Variants in FBLIM1 observed in about 807,000 individuals in gnomAD.
FBLIM1 encodes the protein filamin-binding LIM protein 1.
In FBLIM1, 29 loss-of-function variants were observed where a neutral mutation model predicts 37.4. That is an observed-to-expected ratio of 0.77 (90% CI 0.58 to 1.06). The LOEUF is 1.06. FBLIM1 is among the 50% of genes least tolerant of loss of function. The pLI is 0.00. For synonymous variants in FBLIM1, 193 were observed against 199.0 expected, an observed-to-expected ratio of 0.97 and a Z score of 0.25; for missense variants, 449 against 505.6, an observed-to-expected ratio of 0.89 and a Z score of 1.07.
intron 4 of FBLIM1, among the ~76,000 whole-genome samples, chr1:15,767,989 T>C (rs879760222): frequency 1.3e-5 from 2 of 152,170 alleles, no homozygotes; most frequent in Non-Finnish European, 2.9e-5. Flanking sequence ...GTTCAAGCGA[T>C]TCTCCTGCCA....
At chr1:15,761,930 C>T (rs1279899888) in intron 1 of FBLIM1, among the ~76,000 whole-genome samples, 1 of 152,184 alleles carries the variant, frequency 6.6e-6, no homozygotes, top group Non-Finnish European at 1.5e-5. Flanking sequence ...CTGCTGAGGA[C>T]TGATGTGCTC....
At position 15,784,788 on chromosome 1, in the gene FBLIM1, G is replaced by C; in HGVS notation, c.*127G>C. The C allele has an allele frequency of 1.3e-6, 1 of 761,868 alleles. No homozygotes were observed. The highest frequency in any genetic ancestry group is 2.2e-6 in the Non-Finnish European group (1 of 463,672). 47.2% of individuals were successfully genotyped at this position (761,868 alleles called of 1,614,324 possible). A position where few individuals can be genotyped will look rare whatever the true frequency, so the allele number is the denominator to read the frequency against. ...CTCCATGGAGACCAGCCTGCAAGCC[G>C]GCCCAGCCTGTCCAGGATACAGTGG... On this transcript the variant is annotated 3_prime_UTR_variant, in exon 9 of 9. Transcript: ENST00000375766.
upstream of FBLIM1, among the ~76,000 whole-genome samples, chr1:15,757,246 C>G (rs2068464960): frequency 6.6e-6 from 1 of 152,208 alleles, no homozygotes; most frequent in African/African-American, 2.4e-5. The surrounding 1 kb of genome is among the most constrained non-coding windows in gnomAD (Gnocchi z 4.1). Flanking sequence ...GCACTGGTAC[C>G]TGTTCTTGAG....
intron 6 of FBLIM1, among the ~76,000 whole-genome samples, chr1:15,774,196 G>A (rs1490415578): frequency 6.6e-6 from 1 of 152,136 alleles, no homozygotes; most frequent in Non-Finnish European, 1.5e-5. Context: ...CGTGAAATGT[G>A]GAATTTGGCT....
chr1:15,768,633 A>G lies in FBLIM1; in HGVS notation c.541+3A>G. The G allele has an allele frequency of 6.2e-7, 1 of 1,607,080 alleles. No homozygotes were observed. Among genetic ancestry groups the G allele is most frequent in the Non-Finnish European group, 8.5e-7 (1 of 1,177,048 alleles). ...TGTTGAGAAAGGGGCATCCACAGGT[A>G]GGTGCACAGGGCTGAGAGGATACTG... On this transcript the variant is annotated splice_donor_region_variant and intron_variant, in intron 5 of 8. Transcript: ENST00000375766.
chr1:15,771,049 C>T (rs2069179149), intron 6 of FBLIM1, among the ~76,000 whole-genome samples: 1 of 152,072 alleles, frequency 6.6e-6, no homozygotes, highest in Non-Finnish European at 1.5e-5. Context: ...AAGGGATTCT[C>T]CTGCCTCAGC....
At chr1:15,776,894 GA>G (rs1361849328) in intron 7 of FBLIM1, 8 of 242,252 alleles carry the variant, frequency 3.3e-5, no homozygotes, top group South Asian at 1.5e-4. Context: ...AAGAAGTACT[GA>G]AAAAAAAACA....
chr1:15,757,662 G>T (rs2068475936), upstream of FBLIM1, among the ~76,000 whole-genome samples: 1 of 152,168 alleles, frequency 6.6e-6, no homozygotes, highest in African/African-American at 2.4e-5. This position sits in a 1 kb window ranked among gnomAD's most constrained non-coding sequence, Gnocchi z 4.1. Context: ...TGCAGGACGG[G>T]CCAGATCCTG....
chr1:15,767,334 C>T, intron 3 of FBLIM1, 42 bp from the exon 4 acceptor site: 1 of 1,505,140 alleles, frequency 6.6e-7, no homozygotes, highest in Non-Finnish European at 8.8e-7. Context: ...CCCAGGTCCA[C>T]CTGGGAGGCT....
intron 6 of FBLIM1, among the ~76,000 whole-genome samples, chr1:15,773,905 A>G (rs918613563): frequency 1.6e-4 from 25 of 151,806 alleles, no homozygotes; most frequent in Non-Finnish European, 2.6e-4. Flanking sequence ...CACTTTGGGA[A>G]GCTAACGTGG....
intron 3 of FBLIM1, among the ~76,000 whole-genome samples, chr1:15,766,891 C>CTT (rs36087502): frequency 0.019 from 2,509 of 133,140 alleles, 67 homozygotes; most frequent in Admixed American, 0.041. Context: ...CTGCACCCGG[C>CTT]TTTTTTTTTT....
At position 15,784,562 on chromosome 1, in the gene FBLIM1, C is replaced by A; in HGVS notation, c.1023C>A (p.Leu341=). The A allele has an allele frequency of 6.2e-7, 1 of 1,613,942 alleles. No individual in the cohort carries two copies. The highest frequency in any genetic ancestry group is 8.5e-7 in the Non-Finnish European group (1 of 1,179,850). The stretch of plus-strand genomic sequence containing the variant: ...TGTCTCCCCAGGACTGCAGGATCCT[C>A]CTGTCTGTCGAGCCCACGGACCAAG... ...NCYRCEDCRI[L]LSVEPTDQGC... Residue 341 remains leucine, a synonymous_variant, in exon 9 of 9, where the codon CTC becomes CTA. Coordinates refer to ENST00000375766, the MANE Select transcript of FBLIM1 (RefSeq NM_017556.4).
intron 7 of FBLIM1, chr1:15,775,221 CAAA>C (rs34843894): frequency 1.7e-3 from 83 of 48,316 alleles, no homozygotes; most frequent in South Asian, 7.6e-3. Context: ...GACTCCGTCT[CAAA>C]AAAAAAAAAA....
At chr1:15,778,145 TGG>T (rs2069546444) in intron 8 of FBLIM1, among the ~76,000 whole-genome samples, 2 of 152,226 alleles carry the variant, frequency 1.3e-5, no homozygotes, top group South Asian at 4.1e-4. Flanking sequence ...TGATAACCAC[TGG>T]GGCCAGGGAG....
At chr1:15,764,068 C>CCAGG (rs1219473166) in intron 1 of FBLIM1, among the ~76,000 whole-genome samples, 2 of 152,282 alleles carry the variant, frequency 1.3e-5, no homozygotes, top group African/African-American at 4.8e-5. Flanking sequence ...CAGGCCTGAA[C>CCAGG]CAGGACCCAG....
rs12042808 is a variant in FBLIM1 at position 15,766,236 on chromosome 1, G to T, written c.250+1003G>T. Among the ~76,000 whole-genome samples the T allele has an allele frequency of 7.3e-4, 111 of 151,974 alleles. 1 individual carries two copies. The East Asian group carries it at 0.021, about 29-fold the overall frequency. The stretch of plus-strand genomic sequence containing the variant: ...AATCCTCCCACCTCAGCCTCCCAAG[G>T]AGCTGGGACCACAAGCTCTCACCAC... On this transcript the variant is annotated intron_variant, in intron 3 of 8. Transcript: ENST00000375766.
chr1:15,779,623 G>A (rs1035959094), intron 8 of FBLIM1, among the ~76,000 whole-genome samples: 1 of 152,132 alleles, frequency 6.6e-6, no homozygotes, highest in Non-Finnish European at 1.5e-5. Context: ...GTTTGTAGAT[G>A]TGACTGGAGT....
chr1:15,769,312 A>G (rs369752271), intron 5 of FBLIM1, among the ~76,000 whole-genome samples: 1 of 151,906 alleles, frequency 6.6e-6, no homozygotes, highest in Admixed American at 6.6e-5. Context: ...TGCTGTCTCT[A>G]CTAAAAATAC....
Position 15,765,104 on chromosome 1 carries a change from C to T in FBLIM1, c.121C>T (p.Arg41Cys), listed in dbSNP as rs1277982599. The T allele has an allele frequency of 1.2e-5, 20 of 1,613,856 alleles. No individual in the cohort carries two copies. The highest frequency in any genetic ancestry group is 6.7e-5 in the East Asian group (3 of 44,854). Residue 41 changes from arginine (R) to cysteine (C), a missense_variant, in exon 3 of 9, where the codon CGC becomes TGC. Coordinates refer to ENST00000375766, the MANE Select transcript of FBLIM1 (RefSeq NM_017556.4). This position sits in a 1 kb window ranked among gnomAD's most constrained non-coding sequence, Gnocchi z 5.9. The part of the protein sequence containing the change: ...RQAVCEARRG[R>C]PWEAPAPMKT... The stretch of plus-strand genomic sequence containing the variant: ...GGCAGTTTGTGAGGCCCGGCGTGGC[C>T]GCCCCTGGGAGGCTCCTGCCCCCAT...
Sources: allele counts gnomAD v4.1 joint callset (sites outside exome capture counted in the v4.1 genomes callset), GRCh38; gene constraint gnomAD v4.1.1; non-coding constraint Gnocchi (gnomAD v3.1); transcripts MANE v1.5; gene names NCBI Gene and HGNC (gene_info 2026-07-23, HGNC 2026-07-21).